PDS5A: variants seen among roughly 807,000 people sequenced by gnomAD.
PDS5A encodes the protein PDS5 cohesin associated factor A.
Under a neutral mutation model 167.1 loss-of-function variants are expected in PDS5A, and 42 were observed. The observed-to-expected ratio is 0.25, with a 90% CI of 0.20 to 0.33. PDS5A has a LOEUF of 0.33. Among genes scored for constraint, PDS5A ranks in the 10% least tolerant of loss-of-function variants. The pLI, the probability that PDS5A is intolerant of heterozygous loss-of-function variation, is 1.00. For missense variants in PDS5A, 1,033 were observed against 1,605.9 expected (o/e 0.64, Z 6.10); for synonymous variants, 553 against 554.6 (o/e 1.00, Z 0.04).
intron 16 of PDS5A, among the ~76,000 whole-genome samples, chr4:39,892,321 T>C (rs867925693): frequency 6.6e-6 from 1 of 152,144 alleles, no homozygotes; most frequent in Non-Finnish European, 1.5e-5. Context: ...AGTGATGTAA[T>C]TGTGCTAATA....
Position 39,875,277 on chromosome 4 carries a change from T to C in PDS5A, c.2154-865A>G, listed in dbSNP as rs77463010. On this transcript the variant is annotated intron_variant, in intron 19 of 32. Transcript: ENST00000303538. The stretch of plus-strand genomic sequence containing the variant: ...TGTGCATATATGAACTTATAAAAAA[T>C]AGACAAACACATCTAGTAGATGAAC... 4.8e-3 allele frequency among the ~76,000 whole-genome samples: 733 copies of C among 152,228 alleles called. 32 individuals carry two copies. In the East Asian group the frequency reaches 0.098, roughly 20 times the overall value.
rs1320189136 is a variant in PDS5A, at chr4:39,906,917, T to TAAAATAAAAAAAAAAA, written c.1233+1477_1233+1478insTTTTTTTTTTTATTTT. On this transcript the variant is annotated intron_variant, in intron 11 of 32. Coordinates refer to ENST00000303538, the MANE Select transcript of PDS5A (RefSeq NM_001100399.2). ...CAAAAGCCTTTTGAGATTTCTTACA[T>TAAAATAAAAAAAAAAA]AAAAAAAAAAAAAAAAAAAAAAAAA... Among the ~76,000 whole-genome samples, 7 of 54,034 alleles carry TAAAATAAAAAAAAAAA rather than the reference T, an allele frequency of 1.3e-4. 2 individuals are homozygous for TAAAATAAAAAAAAAAA. Among genetic ancestry groups the TAAAATAAAAAAAAAAA allele is most frequent in the African/African-American group, 4.3e-4 (7 of 16,216 alleles). 35.4% of individuals were successfully genotyped at this position (54,034 alleles called of 152,430 possible).
Position 39,900,458 on chromosome 4 carries a change from G to A in PDS5A, c.1549C>T (p.Arg517Cys), listed in dbSNP as rs1488874304. 2 of 1,584,034 alleles carry A rather than the reference G, an allele frequency of 1.3e-6. No individual in the cohort carries two copies. Among genetic ancestry groups the A allele is most frequent in the South Asian group, 2.3e-5 (2 of 86,760 alleles). The change falls in exon 14 of 33, where the codon CGC becomes TGC. Residue 517 changes from arginine (R) to cysteine (C), a missense_variant. Physicochemically the swap from Arg to Cys is radical, Grantham distance 180. Transcript: ENST00000303538. ...TGCTTGTGCAAATCCAATAGTTCGC[G>A]TACATGGCTCCGAAGCATGTTCTGA... is the stretch of plus-strand genomic sequence containing the variant. Reference protein sequence around the residue: ...KCQNMLRSHVRELLDLHKQPT... With the variant: ...KCQNMLRSHVCELLDLHKQPT...
Position 39,824,020 on chromosome 4 carries a change from A to AAG in PDS5A, c.*1464_*1465insCT, listed in dbSNP as rs1715061786. ...AATGTTGTTTCCTCTGACCCATGCT[A>AAG]GAAACGTGTAAGGAAATGGAGTGAG... On this transcript the variant is annotated 3_prime_UTR_variant, in exon 33 of 33. Transcript: ENST00000303538. 6.6e-6 allele frequency: 1 copy of AAG among 152,252 alleles called. No homozygotes were observed. The highest frequency in any genetic ancestry group is 2.4e-5 in the African/African-American group (1 of 41,472). The allele number at this position is 152,252 out of a possible 1,614,324, so 9.4% of individuals were successfully genotyped here.
chr4:39,842,935 ATATT>A (rs1171732998), intron 30 of PDS5A, among the ~76,000 whole-genome samples: 5 of 139,716 alleles, frequency 3.6e-5, no homozygotes, highest in African/African-American at 1.4e-4. Context: ...ATATATATAT[ATATT>A]TTAAGAGACA....
chr4:39,919,965 T>C (rs571189476), intron 7 of PDS5A, among the ~76,000 whole-genome samples: 81 of 150,646 alleles, frequency 5.4e-4, no homozygotes, highest in African/African-American at 1.9e-3. Context: ...GAAGAAACAT[T>C]ACAGGACTTC....
intron 17 of PDS5A, among the ~76,000 whole-genome samples, chr4:39,885,554 A>G (rs766498673): frequency 2.0e-5 from 3 of 152,112 alleles, no homozygotes; most frequent in Non-Finnish European, 4.4e-5. Context: ...AGGATCGTGC[A>G]TTTCAGCCTG....
intron 2 of PDS5A, 78 bp downstream of exon 2, chr4:39,976,362 G>T: frequency 7.9e-7 from 1 of 1,264,218 alleles, no homozygotes; most frequent in Non-Finnish European, 1.1e-6. Context: ...AACTTTAAAG[G>T]CCAGACTGAG....
intron 4 of PDS5A, among the ~76,000 whole-genome samples, chr4:39,926,474 C>T (rs1056961483): frequency 1.2e-4 from 18 of 148,714 alleles, no homozygotes; most frequent in African/African-American, 4.2e-4. Context: ...GCTGAGATCA[C>T]GCCATTGCAC....
At chr4:39,941,630 A>G (rs911117425) in intron 2 of PDS5A, among the ~76,000 whole-genome samples, 4 of 152,224 alleles carry the variant, frequency 2.6e-5, no homozygotes, top group Non-Finnish European at 4.4e-5. Context: ...CCTAATACAC[A>G]CAAACTAACT....
intron 2 of PDS5A, among the ~76,000 whole-genome samples, chr4:39,947,397 C>T (rs757918869): frequency 4.6e-4 from 70 of 152,076 alleles, no homozygotes; most frequent in Admixed American, 1.6e-3. Context: ...CTGCAGTGAG[C>T]CAAGATCATG....
intron 2 of PDS5A, among the ~76,000 whole-genome samples, chr4:39,958,459 A>C (rs563371618): frequency 6.8e-6 from 1 of 147,390 alleles, no homozygotes; most frequent in East Asian, 2.2e-4. Flanking sequence ...GTGAGCTGAG[A>C]TCTTGCCACT....
intron 32 of PDS5A, among the ~76,000 whole-genome samples, chr4:39,828,185 A>T (rs879791944): frequency 6.6e-5 from 10 of 152,228 alleles, no homozygotes; most frequent in African/African-American, 9.6e-5. Flanking sequence ...AGCCCAAAAC[A>T]TAAACAGGAA....
chr4:39,873,249 A>C, intron 20 of PDS5A, 105 bp from the exon 21 acceptor site: 1 of 557,008 alleles, frequency 1.8e-6, no homozygotes, highest in Non-Finnish European at 2.9e-6. Flanking sequence ...ACCATGCCCA[A>C]ACCAATCTTC....
intron 28 of PDS5A, chr4:39,848,454 A>G (rs1225044530): frequency 5.3e-6 from 1 of 187,166 alleles, no homozygotes; most frequent in Non-Finnish European, 1.1e-5. Flanking sequence ...GCAATTGTCC[A>G]TATGTATTAT....
At chr4:39,962,153 G>T (rs1011866352) in intron 2 of PDS5A, among the ~76,000 whole-genome samples, 2 of 152,000 alleles carry the variant, frequency 1.3e-5, no homozygotes, top group Non-Finnish European at 2.9e-5. Flanking sequence ...CGCCTCCCGG[G>T]TTCACGGCAT....
In PDS5A at chr4:39,963,911, C is replaced by CT. The variant is rs1035184282; in HGVS notation, c.138+12528dup. On this transcript the variant is annotated intron_variant, in intron 2 of 32. Transcript: ENST00000303538. ...GATAAACAGAACACAAAGAAATTAG[C>CT]TTTTTTTTCCCCCCCAGACCGACTC... is the stretch of plus-strand genomic sequence containing the variant. 7.3e-5 allele frequency among the ~76,000 whole-genome samples: 11 copies of CT among 151,706 alleles called. No homozygotes were observed. The East Asian group carries it at 1.6e-3, about 21-fold the overall frequency.
chr4:39,921,675 C>A (rs1424218208), intron 6 of PDS5A, among the ~76,000 whole-genome samples: 1 of 151,646 alleles, frequency 6.6e-6, no homozygotes, highest in Admixed American at 6.6e-5. Context: ...TCACTTGAGC[C>A]CAGGAGACAG....
chr4:39,908,358 A>G (rs768034178), intron 11 of PDS5A, 37 bp downstream of exon 11: 3 of 1,508,736 alleles, frequency 2.0e-6, no homozygotes, highest in East Asian at 2.3e-5. Context: ...CAATTTAAAC[A>G]GTAAATTACA....
Sources: allele counts gnomAD v4.1 joint callset (sites outside exome capture counted in the v4.1 genomes callset), GRCh38; gene constraint gnomAD v4.1.1; transcripts MANE v1.5; gene names NCBI Gene and HGNC (gene_info 2026-07-23, HGNC 2026-07-21).